The following CTNNA3 variants were observed in gnomAD, a reference collection of about 807,000 sequenced individuals.
The protein encoded by CTNNA3 is catenin alpha 3.
In CTNNA3, 76 loss-of-function variants were observed where a neutral mutation model predicts 95.7. That is an observed-to-expected ratio of 0.79 (90% CI 0.66 to 0.96). CTNNA3 has a LOEUF of 0.96. Among genes scored for constraint, CTNNA3 ranks in the 40% least tolerant of loss-of-function variants. CTNNA3 has a pLI of 0.00. For synonymous variants in CTNNA3, 431 were observed against 374.4 expected, an observed-to-expected ratio of 1.15 and a Z score of -1.74; for missense variants, 1,191 against 1,089.8, an observed-to-expected ratio of 1.09 and a Z score of -1.31.
intron 7 of CTNNA3, among the ~76,000 whole-genome samples, chr10:66,783,507 G>C (rs956022152): frequency 3.9e-5 from 6 of 152,104 alleles, no homozygotes; most frequent in African/African-American, 1.4e-4. Context: ...TGTGATGCCT[G>C]ACCCAGCAGC....
intron 13 of CTNNA3, among the ~76,000 whole-genome samples, chr10:66,118,536 A>C (rs1281757407): frequency 6.6e-6 from 1 of 152,168 alleles, no homozygotes; most frequent in Non-Finnish European, 1.5e-5. Context: ...TTTTGGAATA[A>C]TCTTTTCTTC....
chr10:67,574,588 T>C (rs1248606833), intron 3 of CTNNA3, among the ~76,000 whole-genome samples: 1 of 149,400 alleles, frequency 6.7e-6, no homozygotes, highest in East Asian at 2.0e-4. Flanking sequence ...TTTTTTTTTT[T>C]TTTTTTTTTT....
At chr10:67,157,807 C>CA (rs1268985546) in intron 7 of CTNNA3, among the ~76,000 whole-genome samples, 9 of 152,030 alleles carry the variant, frequency 5.9e-5, no homozygotes, top group Non-Finnish European at 1.0e-4. Flanking sequence ...ATTCCCAGCC[C>CA]AAAAAAATCA....
At chr10:67,728,771 A>T (rs147578928) in intron 1 of CTNNA3, among the ~76,000 whole-genome samples, 1 of 152,218 alleles carries the variant, frequency 6.6e-6, no homozygotes, top group East Asian at 1.9e-4. Flanking sequence ...TAATTTATGA[A>T]GCTCCATAGT....
At chr10:66,268,227 T>C (rs960480184) in intron 13 of CTNNA3, among the ~76,000 whole-genome samples, 3 of 152,132 alleles carry the variant, frequency 2.0e-5, no homozygotes, top group Non-Finnish European at 4.4e-5. Context: ...TTACACTCTT[T>C]CCATTGAAAG....
intron 3 of CTNNA3, among the ~76,000 whole-genome samples, chr10:67,549,625 G>A (rs532394226): frequency 1.3e-5 from 2 of 152,056 alleles, no homozygotes; most frequent in Admixed American, 6.6e-5. Flanking sequence ...AGACAGAGTC[G>A]GCAAACTATG....
intron 11 of CTNNA3, among the ~76,000 whole-genome samples, chr10:66,440,846 C>CAATAAGTACAA (rs1295796803): frequency 2.0e-5 from 3 of 152,102 alleles, no homozygotes; most frequent in African/African-American, 7.2e-5. Context: ...ACAATAAGTG[C>CAATAAGTACAA]TAAATAAACA....
chr10:66,297,833 G>T (rs1428227147), intron 12 of CTNNA3, among the ~76,000 whole-genome samples: 1 of 152,082 alleles, frequency 6.6e-6, no homozygotes, highest in Non-Finnish European at 1.5e-5. Context: ...GCCATGTTTG[G>T]GCCACTGACT....
intron 17 of CTNNA3, among the ~76,000 whole-genome samples, chr10:65,938,205 A>C (rs1345734645): frequency 6.6e-6 from 1 of 152,150 alleles, no homozygotes; most frequent in Non-Finnish European, 1.5e-5. Context: ...TGTATCCTGG[A>C]GTATTTGATT....
intron 13 of CTNNA3, among the ~76,000 whole-genome samples, chr10:66,205,936 A>G (rs376182210): frequency 6.6e-6 from 1 of 151,972 alleles, no homozygotes; most frequent in East Asian, 1.9e-4. Flanking sequence ...TCAAGTCCTA[A>G]TTATGTACAA....
At chr10:66,233,041 T>A in intron 13 of CTNNA3, among the ~76,000 whole-genome samples, 1 of 151,496 alleles carries the variant, frequency 6.6e-6, no homozygotes, top group South Asian at 2.1e-4. Context: ...GCGCCTGTAG[T>A]CCCAGCTACT....
At chr10:66,385,347 T>C (rs1463982487) in intron 11 of CTNNA3, among the ~76,000 whole-genome samples, 3 of 152,046 alleles carry the variant, frequency 2.0e-5, no homozygotes, top group East Asian at 1.9e-4. Context: ...CTAGAAGAAA[T>C]GGATAAATTC....
At chr10:67,733,516 G>C (rs1348707392) in intron 1 of CTNNA3, among the ~76,000 whole-genome samples, 1 of 152,174 alleles carries the variant, frequency 6.6e-6, no homozygotes, top group Admixed American at 6.5e-5. Flanking sequence ...AAAAAGGACT[G>C]CTGGTGGTAT....
intron 9 of CTNNA3, among the ~76,000 whole-genome samples, chr10:66,736,152 T>C (rs888086965): frequency 2.6e-5 from 4 of 152,032 alleles, no homozygotes; most frequent in Non-Finnish European, 4.4e-5. Flanking sequence ...TGAGATTCTG[T>C]ACTGTCATGG....
At chr10:67,751,210 A>G (rs1841405220) in intron 1 of CTNNA3, 2 of 1,281,624 alleles carry the variant, frequency 1.6e-6, no homozygotes, top group Non-Finnish European at 2.3e-6. Context: ...TTGGAGGACT[A>G]TCCCTTCGAT....
chr10:66,908,437 T>G (rs1846084112), intron 7 of CTNNA3, among the ~76,000 whole-genome samples: 1 of 152,168 alleles, frequency 6.6e-6, no homozygotes, highest in South Asian at 2.1e-4. Flanking sequence ...ACCATTGCAT[T>G]TCACCTGCTT....
chr10:66,585,090 C>A (rs187778862), intron 10 of CTNNA3, among the ~76,000 whole-genome samples: 1 of 152,106 alleles, frequency 6.6e-6, no homozygotes, highest in East Asian at 1.9e-4. Flanking sequence ...TTACCTGATG[C>A]TTTTATTTTA....
At chr10:66,211,666 T>C (rs560250329) in intron 13 of CTNNA3, among the ~76,000 whole-genome samples, 11 of 152,310 alleles carry the variant, frequency 7.2e-5, no homozygotes, top group African/African-American at 2.6e-4. Context: ...CAGTAGAATC[T>C]TCAGTGTGGA....
intron 1 of CTNNA3, among the ~76,000 whole-genome samples, chr10:67,666,293 C>A (rs1399827380): frequency 2.6e-5 from 4 of 152,064 alleles, no homozygotes. Context: ...ATTTAAATAT[C>A]TTGAATTAAT....
Sources: allele counts gnomAD v4.1 joint callset (sites outside exome capture counted in the v4.1 genomes callset), GRCh38; gene constraint gnomAD v4.1.1; transcripts MANE v1.5; gene names NCBI Gene and HGNC (gene_info 2026-07-23, HGNC 2026-07-21).